The following UGT8 variants were observed in gnomAD, a reference collection of about 807,000 sequenced individuals.
The protein encoded by UGT8 is 2-hydroxyacylsphingosine 1-beta-galactosyltransferase.
A neutral mutation model predicts 40.5 loss-of-function variants in UGT8; 12 were observed. That is an observed-to-expected ratio of 0.30 (90% CI 0.19 to 0.48). The LOEUF is 0.48. Among genes scored for constraint, UGT8 ranks in the 20% least tolerant of loss-of-function variants. The probability of loss-of-function intolerance (pLI) is 0.99; values close to 1 mark genes in which losing one functional copy is unlikely to be tolerated. For synonymous variants in UGT8, 224 were observed against 240.4 expected (o/e 0.93, Z 0.63); for missense variants, 513 against 648.7 (o/e 0.79, Z 2.27).
chr4:114,598,932 GC>G lies in UGT8; in HGVS notation c.-44del, dbSNP rs1198709425. The G allele has an allele frequency of 6.6e-6, 1 of 152,154 alleles. No individual in the cohort carries two copies. Among genetic ancestry groups the G allele is most frequent in the Non-Finnish European group, 1.5e-5 (1 of 68,122 alleles). 9.4% of individuals were successfully genotyped at this position (152,154 alleles called of 1,614,324 possible). On this transcript the variant is annotated 5_prime_UTR_variant, in exon 1 of 6. Transcript: ENST00000310836. ...CTTCTGTCCCGGATACAATTACGCGGCAGACACACACTCAAACTCGCGCGGG... is the reference window on the plus strand; with the variant it reads ...CTTCTGTCCCGGATACAATTACGCGGAGACACACACTCAAACTCGCGCGGG...
At chr4:114,645,132 A>C (rs562360027) in intron 2 of UGT8, among the ~76,000 whole-genome samples, 1 of 152,176 alleles carries the variant, frequency 6.6e-6, no homozygotes, top group Non-Finnish European at 1.5e-5. Context: ...AGAACATTCA[A>C]TGAGCAAAAA....
chr4:114,660,526 GT>G (rs1318158864), intron 2 of UGT8, among the ~76,000 whole-genome samples: 2 of 151,976 alleles, frequency 1.3e-5, no homozygotes, highest in African/African-American at 4.8e-5. Flanking sequence ...TTTATTATGT[GT>G]ATTGTAATAT....
At chr4:114,649,570 C>T (rs929649963) in intron 2 of UGT8, among the ~76,000 whole-genome samples, 2 of 152,182 alleles carry the variant, frequency 1.3e-5, no homozygotes, top group African/African-American at 4.8e-5. Flanking sequence ...GTGCAACCCT[C>T]AACCCCACGG....
At chr4:114,660,663 C>A (rs781400106) in intron 2 of UGT8, among the ~76,000 whole-genome samples, 1 of 151,948 alleles carries the variant, frequency 6.6e-6, no homozygotes. Flanking sequence ...GAGGCCAAGA[C>A]GGGCAGATCA....
At chr4:114,662,160 T>C (rs1235390642) in intron 2 of UGT8, among the ~76,000 whole-genome samples, 1 of 152,204 alleles carries the variant, frequency 6.6e-6, no homozygotes, top group Non-Finnish European at 1.5e-5. Context: ...CTATCATAAG[T>C]TGAAAATATT....
chr4:114,672,332 G>A (rs536587519), intron 5 of UGT8, among the ~76,000 whole-genome samples: 1 of 152,210 alleles, frequency 6.6e-6, no homozygotes, highest in South Asian at 2.1e-4. Flanking sequence ...TATACTCAAA[G>A]GAATATAAAT....
intron 2 of UGT8, among the ~76,000 whole-genome samples, chr4:114,660,421 T>C (rs1052371547): frequency 5.3e-5 from 8 of 152,342 alleles, no homozygotes; most frequent in Non-Finnish European, 1.2e-4. Flanking sequence ...TTTTCATGTT[T>C]ATGCCATTAA....
At chr4:114,652,214 TGGAA>T (rs1394528355) in intron 2 of UGT8, among the ~76,000 whole-genome samples, 2 of 152,038 alleles carry the variant, frequency 1.3e-5, no homozygotes, top group Non-Finnish European at 2.9e-5. Context: ...TTTCAATAGA[TGGAA>T]GTACTTCTAA....
At chr4:114,665,904 C>G in intron 4 of UGT8, 148 bp downstream of exon 4, 1 of 527,234 alleles carries the variant, frequency 1.9e-6, no homozygotes, top group Non-Finnish European at 3.0e-6. Context: ...TATCCAGTAT[C>G]TCAAATCTTA....
At chr4:114,669,656 T>C (rs1735111755) in intron 5 of UGT8, among the ~76,000 whole-genome samples, 1 of 152,140 alleles carries the variant, frequency 6.6e-6, no homozygotes, top group Non-Finnish European at 1.5e-5. Flanking sequence ...GGTTGCAATC[T>C]TAGGTCACAT....
chr4:114,665,498 A>G lies in UGT8; in HGVS notation c.966-182A>G, dbSNP rs1022431109. On this transcript the variant is annotated intron_variant, in intron 3 of 5. Coordinates refer to ENST00000310836, the MANE Select transcript of UGT8 (RefSeq NM_001128174.3). The stretch of plus-strand genomic sequence containing the variant: ...TTTCTTGTTTTTCCTCCAACCAGTG[A>G]AAGTTTTTATTAAAAAGAAACTTAA... The G allele has an allele frequency of 6.1e-6, 6 of 978,308 alleles. No individual in the cohort carries two copies. In the African/African-American group the frequency reaches 8.8e-5, roughly 14 times the overall value. 60.6% of individuals were successfully genotyped at this position (978,308 alleles called of 1,614,324 possible).
At chr4:114,622,021 G>A (rs968899290) in intron 1 of UGT8, among the ~76,000 whole-genome samples, 3 of 151,810 alleles carry the variant, frequency 2.0e-5, no homozygotes, top group African/African-American at 7.3e-5. Context: ...AGTTACATAT[G>A]TATACATGTG....
chr4:114,650,546 T>G (rs1207324137), intron 2 of UGT8, among the ~76,000 whole-genome samples: 1 of 152,202 alleles, frequency 6.6e-6, no homozygotes, highest in Admixed American at 6.5e-5. Flanking sequence ...TTGTCAATTT[T>G]TATTTAAAGT....
intron 2 of UGT8, among the ~76,000 whole-genome samples, chr4:114,646,436 T>C (rs1733576072): frequency 6.6e-6 from 1 of 151,978 alleles, no homozygotes; most frequent in Admixed American, 6.6e-5. Context: ...ATAGAAACAA[T>C]GTGATAAACA....
Position 114,676,381 on chromosome 4 carries a change from G to A in UGT8, c.*93G>A. Reference sequence around the variant, plus strand: ...AACAGCTACTAAAAGTAAAACATCAGTAAACAATTCTAACATGCCCTTATG... The same window carrying A: ...AACAGCTACTAAAAGTAAAACATCAATAAACAATTCTAACATGCCCTTATG... On this transcript the variant is annotated 3_prime_UTR_variant, in exon 6 of 6. Transcript: ENST00000310836. 1 of 1,109,828 alleles carries A rather than the reference G, an allele frequency of 9.0e-7. No individual in the cohort carries two copies. The highest frequency in any genetic ancestry group is 1.3e-6 in the Non-Finnish European group (1 of 780,976). The allele number at this position is 1,109,828 out of a possible 1,614,324, so 68.7% of individuals were successfully genotyped here.
intron 1 of UGT8, among the ~76,000 whole-genome samples, chr4:114,621,000 T>C (rs1043009317): frequency 1.2e-4 from 19 of 152,310 alleles, no homozygotes; most frequent in African/African-American, 3.4e-4. Flanking sequence ...ATTGTTTAGA[T>C]CTTTTTTCTA....
At chr4:114,640,040 T>TC (rs1197006740) in intron 2 of UGT8, among the ~76,000 whole-genome samples, 1 of 150,826 alleles carries the variant, frequency 6.6e-6, no homozygotes, top group East Asian at 1.9e-4. Flanking sequence ...TTTGTTTTTT[T>TC]TTTTTTTTGA....
intron 1 of UGT8, among the ~76,000 whole-genome samples, chr4:114,602,484 A>G (rs1730499346): frequency 6.6e-6 from 1 of 152,230 alleles, no homozygotes; most frequent in Admixed American, 6.5e-5. Flanking sequence ...TCTTGAAAAC[A>G]GTGGTAATCA....
chr4:114,662,710 G>A (rs540330041), intron 2 of UGT8, among the ~76,000 whole-genome samples: 19 of 151,442 alleles, frequency 1.3e-4, no homozygotes, highest in Middle Eastern at 3.4e-3. Flanking sequence ...ATCTCTTTAG[G>A]TGATAAAATG....
Sources: gnomAD v4.1 joint callset for allele counts (sites outside exome capture counted in the v4.1 genomes callset) on GRCh38, gnomAD v4.1.1 for gene constraint, MANE v1.5 for transcripts, NCBI Gene and HGNC (gene_info 2026-07-23, HGNC 2026-07-21) for gene names.